The following PCDHGA12 variants were observed in gnomAD, a reference collection of about 807,000 sequenced individuals.
The protein encoded by PCDHGA12 is protocadherin gamma-A12.
A neutral mutation model predicts 61.1 loss-of-function variants in PCDHGA12; 43 were observed. The observed-to-expected ratio is 0.70, with a 90% CI of 0.55 to 0.91. The LOEUF is 0.91. Among genes scored for constraint, PCDHGA12 ranks in the 40% least tolerant of loss-of-function variants. The pLI is 0.00. For missense variants in PCDHGA12, 1,236 were observed against 1,227.7 expected, an observed-to-expected ratio of 1.01 and a Z score of -0.10; for synonymous variants, 520 against 542.9, an observed-to-expected ratio of 0.96 and a Z score of 0.59.
intron 2 of PCDHGA12, among the ~76,000 whole-genome samples, chr5:141,500,815 A>G (rs2099802742): frequency 6.6e-6 from 1 of 152,196 alleles, no homozygotes; most frequent in African/African-American, 2.4e-5. Context: ...ATGAATATAC[A>G]TATTATTTTT....
At chr5:141,508,896 C>A (rs1171693212) in intron 3 of PCDHGA12, among the ~76,000 whole-genome samples, 1 of 151,862 alleles carries the variant, frequency 6.6e-6, no homozygotes, top group Non-Finnish European at 1.5e-5. Context: ...GGGGAGGGGG[C>A]GGGGCGGTGG....
rs759220286 is a variant in PCDHGA12 at position 141,490,018 on chromosome 5, C to G, written c.2425-4789C>G. The G allele has an allele frequency of 6.2e-7, 1 of 1,614,252 alleles. No individual in the cohort carries two copies. Among genetic ancestry groups the G allele is most frequent in the Non-Finnish European group, 8.5e-7 (1 of 1,180,038 alleles). ...CCCAGAGAATGCACCCATTGGTACTCTGCTGCTCCGCCTCAATGCCACTGA... is the reference window on the plus strand; with the variant it reads ...CCCAGAGAATGCACCCATTGGTACTGTGCTGCTCCGCCTCAATGCCACTGA... On this transcript the variant is annotated intron_variant, in intron 1 of 3. Transcript: ENST00000252085. This position sits in a 1 kb window ranked among gnomAD's most constrained non-coding sequence, Gnocchi z 5.4.
intron 1 of PCDHGA12, among the ~76,000 whole-genome samples, chr5:141,479,962 A>G: frequency 6.6e-6 from 1 of 152,226 alleles, no homozygotes; most frequent in Non-Finnish European, 1.5e-5. Context: ...GCAGTTAGTC[A>G]AATGAGGTTC....
intron 1 of PCDHGA12, among the ~76,000 whole-genome samples, chr5:141,465,911 A>G (rs540115471): frequency 6.6e-6 from 1 of 152,260 alleles, no homozygotes; most frequent in East Asian, 1.9e-4. Context: ...TCACGAGGTC[A>G]GGATTTCGAG....
Position 141,491,498 on chromosome 5 carries a change from C to G in PCDHGA12, c.2425-3309C>G. Reference sequence around the variant, plus strand: ...TCCAGCCCCAACCTGCAGGTGAGCTCGGACGGCACGCTCAAGTACATGGAG... The same window carrying G: ...TCCAGCCCCAACCTGCAGGTGAGCTGGGACGGCACGCTCAAGTACATGGAG... On this transcript the variant is annotated intron_variant, in intron 1 of 3. Transcript: ENST00000252085. The surrounding 1 kb of genome is among the most constrained non-coding windows in gnomAD (Gnocchi z 6.9). The G allele has an allele frequency of 6.2e-7, 1 of 1,614,102 alleles. No homozygotes were observed. Among genetic ancestry groups the G allele is most frequent in the Non-Finnish European group, 8.5e-7 (1 of 1,180,018 alleles).
intron 1 of PCDHGA12, among the ~76,000 whole-genome samples, chr5:141,483,907 C>T (rs545585133): frequency 6.0e-5 from 9 of 151,124 alleles, no homozygotes; most frequent in Non-Finnish European, 1.0e-4. Flanking sequence ...TGGTGTGTTT[C>T]CCACTCAGAT....
chr5:141,454,796 ATTTTTTTTTT>A (rs61612330), intron 1 of PCDHGA12, among the ~76,000 whole-genome samples: 11 of 77,458 alleles, frequency 1.4e-4, no homozygotes, highest in East Asian at 8.0e-4. Flanking sequence ...CATGGTTCTA[ATTTTTTTTTT>A]TTTTTTTTTT....
Position 141,511,913 on chromosome 5 carries a change from A to G in PCDHGA12, c.*740A>G, listed in dbSNP as rs1190072814. On this transcript the variant is annotated 3_prime_UTR_variant, in exon 4 of 4. Coordinates refer to ENST00000252085, the MANE Select transcript of PCDHGA12 (RefSeq NM_003735.3). ...CCCCCACCTCCTCCTCAAACAAGAG[A>G]CTCCACTGCATGTTCCAAGACAGTA... is the stretch of plus-strand genomic sequence containing the variant. The G allele has an allele frequency of 6.4e-6, 1 of 156,050 alleles. No individual in the cohort carries two copies. The highest frequency in any genetic ancestry group is 2.4e-5 in the African/African-American group (1 of 41,402). The allele number at this position is 156,050 out of a possible 1,614,324, so 9.7% of individuals were successfully genotyped here.
rs765047622 is a variant in PCDHGA12 at position 141,486,776 on chromosome 5, G to A, written c.2425-8031G>A. On this transcript the variant is annotated intron_variant, in intron 1 of 3. Coordinates refer to ENST00000252085, the MANE Select transcript of PCDHGA12 (RefSeq NM_003735.3). This position sits in a 1 kb window ranked among gnomAD's most constrained non-coding sequence, Gnocchi z 5.0. ...GCAAACCCAGACACTGCAGTTTGAGGTGCAGGCCCGGGATCGGGGCAACCC... is the reference window on the plus strand; with the variant it reads ...GCAAACCCAGACACTGCAGTTTGAGATGCAGGCCCGGGATCGGGGCAACCC... 1.2e-6 allele frequency: 2 copies of A among 1,614,254 alleles called. No individual in the cohort carries two copies. Among genetic ancestry groups the A allele is most frequent in the Non-Finnish European group, 1.7e-6 (2 of 1,180,050 alleles).
At position 141,486,090 on chromosome 5, in the gene PCDHGA12, G is replaced by C. The variant is rs190955361; in HGVS notation, c.2425-8717G>C. On this transcript the variant is annotated intron_variant, in intron 1 of 3. Transcript: ENST00000252085. The surrounding 1 kb of genome is among the most constrained non-coding windows in gnomAD (Gnocchi z 5.0). ...ACTACTGGAAAGCTTACTCTTTTGG[G>C]GCCCCTAGACTTTGAGAGTGAGAAT... 4 of 1,614,086 alleles carry C rather than the reference G, an allele frequency of 2.5e-6. No individual in the cohort carries two copies. The Admixed American group carries it at 6.7e-5, about 27-fold the overall frequency.
chr5:141,494,074 C>A (rs2099751716), intron 1 of PCDHGA12, among the ~76,000 whole-genome samples: 1 of 152,180 alleles, frequency 6.6e-6, no homozygotes, highest in Non-Finnish European at 1.5e-5. Context: ...GGATCCCTCC[C>A]CGCTGCATCC....
At chr5:141,499,451 T>A (rs1378621877) in intron 2 of PCDHGA12, among the ~76,000 whole-genome samples, 3 of 152,130 alleles carry the variant, frequency 2.0e-5, no homozygotes, top group Non-Finnish European at 4.4e-5. Flanking sequence ...AAACCACCCA[T>A]CATTTTACAA....
chr5:141,447,301 G>A (rs557269538), intron 1 of PCDHGA12, among the ~76,000 whole-genome samples: 39 of 152,060 alleles, frequency 2.6e-4, no homozygotes, highest in Non-Finnish European at 1.5e-4. Flanking sequence ...CACCACACCC[G>A]GCTAATTTTT....
chr5:141,468,680 C>T (rs1176643092), intron 1 of PCDHGA12: 1 of 151,074 alleles, frequency 6.6e-6, no homozygotes, highest in Non-Finnish European at 1.5e-5. Flanking sequence ...TCCTGGCTAA[C>T]ACGGTGAAAC....
intron 1 of PCDHGA12, among the ~76,000 whole-genome samples, chr5:141,463,539 C>T (rs1408887405): frequency 6.7e-6 from 1 of 148,606 alleles, no homozygotes; most frequent in Admixed American, 6.8e-5. Context: ...AACTCCGGCT[C>T]CCGGGTTCAT....
intron 1 of PCDHGA12, chr5:141,478,198 A>G (rs1393603398): frequency 6.2e-7 from 1 of 1,613,864 alleles, no homozygotes; most frequent in East Asian, 2.2e-5. Flanking sequence ...CCTTTTATCT[A>G]CTTCTTTCTC....
At position 141,510,839 on chromosome 5, in the gene PCDHGA12, C is replaced by G. The variant is rs186647886; in HGVS notation, c.2573-108C>G. The stretch of plus-strand genomic sequence containing the variant: ...CTATATTCCCAGTGCTCAGCGTGGT[C>G]AAGGCCCAGGGTGCTGTATAGGCAT... On this transcript the variant is annotated intron_variant, in intron 3 of 3. Coordinates refer to ENST00000252085, the MANE Select transcript of PCDHGA12 (RefSeq NM_003735.3). The G allele has an allele frequency of 6.5e-5, 103 of 1,587,108 alleles. No individual in the cohort carries two copies. The East Asian group carries it at 1.6e-3, about 25-fold the overall frequency.
chr5:141,504,287 T>C (rs1191226511), intron 2 of PCDHGA12, among the ~76,000 whole-genome samples: 2 of 152,166 alleles, frequency 1.3e-5, no homozygotes, highest in Non-Finnish European at 2.9e-5. Flanking sequence ...AATCATTTCA[T>C]GTTTTTTCAA....
At chr5:141,488,691 G>A (rs1443084778) in intron 1 of PCDHGA12, among the ~76,000 whole-genome samples, 2 of 152,192 alleles carry the variant, frequency 1.3e-5, no homozygotes, top group Non-Finnish European at 2.9e-5. Flanking sequence ...CTCCCAGAAG[G>A]ACAAGATTTT....
Sources: allele counts gnomAD v4.1 joint callset (sites outside exome capture counted in the v4.1 genomes callset), GRCh38; gene constraint gnomAD v4.1.1; non-coding constraint Gnocchi (gnomAD v3.1); transcripts MANE v1.5; gene names NCBI Gene and HGNC (gene_info 2026-07-23, HGNC 2026-07-21).